CCDC38: variants seen among roughly 807,000 people sequenced by gnomAD.
CCDC38 encodes the protein coiled-coil domain-containing protein 38.
Under a neutral mutation model 72.8 loss-of-function variants are expected in CCDC38, and 69 were observed. That is an observed-to-expected ratio of 0.95 (90% CI 0.78 to 1.16). The LOEUF is 1.16. CCDC38 is among the 50% of genes most tolerant of loss of function. The pLI is 0.00. For synonymous variants in CCDC38, 201 were observed against 213.2 expected (o/e 0.94, Z 0.50); for missense variants, 626 against 638.9 (o/e 0.98, Z 0.22).
At chr12:95,906,366 G>T in intron 5 of CCDC38, 21 bp downstream of exon 5, 1 of 1,557,316 alleles carries the variant, frequency 6.4e-7, no homozygotes, top group African/African-American at 1.4e-5. Context: ...TTGGCTAGGG[G>T]AGAAAAGTTA....
At chr12:95,873,924 G>T (rs1179503099) in intron 13 of CCDC38, among the ~76,000 whole-genome samples, 1 of 152,130 alleles carries the variant, frequency 6.6e-6, no homozygotes, top group Non-Finnish European at 1.5e-5. Flanking sequence ...CCTTCATAAG[G>T]TAACACTTAT....
At chr12:95,886,562 C>T (rs919132945) in intron 10 of CCDC38, among the ~76,000 whole-genome samples, 1 of 152,176 alleles carries the variant, frequency 6.6e-6, no homozygotes, top group Non-Finnish European at 1.5e-5. Flanking sequence ...TTGCAAACCA[C>T]ATATCCCCAA....
chr12:95,885,122 T>G (rs2079744517), intron 10 of CCDC38: 1 of 152,462 alleles, frequency 6.6e-6, no homozygotes, highest in South Asian at 2.0e-4. Context: ...GACTAATAGC[T>G]ACAGGCCATT....
At chr12:95,903,415 C>T (rs1337177465) in intron 5 of CCDC38, 1 of 699,260 alleles carries the variant, frequency 1.4e-6, no homozygotes, top group African/African-American at 1.7e-5. Context: ...CTAGGACCTC[C>T]AGAACACTGA....
intron 10 of CCDC38, among the ~76,000 whole-genome samples, chr12:95,884,326 ATTG>A (rs1478101513): frequency 6.6e-6 from 1 of 152,246 alleles, no homozygotes; most frequent in Admixed American, 6.5e-5. Flanking sequence ...ACCATTTACA[ATTG>A]TTCAAAAAGA....
chr12:95,924,522 G>A (rs1321053681), intron 2 of CCDC38, among the ~76,000 whole-genome samples: 1 of 147,068 alleles, frequency 6.8e-6, no homozygotes, highest in South Asian at 2.2e-4. Context: ...TTCTTTTGCT[G>A]TGCAGAAGCT....
At chr12:95,874,755 T>A (rs2079618021) in intron 13 of CCDC38, among the ~76,000 whole-genome samples, 1 of 152,172 alleles carries the variant, frequency 6.6e-6, no homozygotes. Context: ...CAGGTGCCTT[T>A]CAACAGTGAA....
intron 2 of CCDC38, among the ~76,000 whole-genome samples, chr12:95,920,651 A>C (rs1472990401): frequency 5.3e-5 from 8 of 152,056 alleles, no homozygotes; most frequent in Non-Finnish European, 1.2e-4. Flanking sequence ...CAGAATAGGC[A>C]TATTCATGGA....
chr12:95,916,379 G>T (rs961311323), intron 4 of CCDC38, among the ~76,000 whole-genome samples: 16 of 147,454 alleles, frequency 1.1e-4, no homozygotes, highest in South Asian at 2.2e-4. Flanking sequence ...TTGCCTGCCT[G>T]CCTTCCTTCC....
At chr12:95,895,201 T>C in intron 7 of CCDC38, 55 bp from the exon 8 acceptor site, 1 of 1,335,064 alleles carries the variant, frequency 7.5e-7, no homozygotes. Context: ...AGCACATTCA[T>C]TAGAAAAAAA....
chr12:95,908,474 A>C (rs1406528222), intron 4 of CCDC38, among the ~76,000 whole-genome samples: 1 of 300 alleles, frequency 3.3e-3, no homozygotes, highest in African/African-American at 0.12. Flanking sequence ...AGGGAGAGGG[A>C]GAGGGAGAGG....
intron 2 of CCDC38, among the ~76,000 whole-genome samples, chr12:95,929,171 C>T (rs1158656995): frequency 6.6e-6 from 1 of 152,222 alleles, no homozygotes; most frequent in Admixed American, 6.5e-5. Context: ...TCTCAGACTG[C>T]CGTGCTAGCA....
chr12:95,924,079 A>C (rs376878860), intron 2 of CCDC38, among the ~76,000 whole-genome samples: 1 of 90,458 alleles, frequency 1.1e-5, no homozygotes, highest in South Asian at 4.6e-4. Context: ...GGCTGGGTCA[A>C]ATGGTATTTC....
intron 4 of CCDC38, among the ~76,000 whole-genome samples, chr12:95,916,459 G>A (rs2080146407): frequency 6.7e-6 from 1 of 148,410 alleles, no homozygotes; most frequent in Non-Finnish European, 1.5e-5. Context: ...TTAACAATTT[G>A]GAAAACATTC....
At chr12:95,908,345 G>C (rs1045002538) in intron 4 of CCDC38, among the ~76,000 whole-genome samples, 1 of 149,140 alleles carries the variant, frequency 6.7e-6, no homozygotes, top group African/African-American at 2.5e-5. Context: ...GCCTGCAATC[G>C]CAGGCACTCG....
chr12:95,921,139 A>G (rs913671397), intron 2 of CCDC38, among the ~76,000 whole-genome samples: 1 of 150,762 alleles, frequency 6.6e-6, no homozygotes, highest in African/African-American at 2.5e-5. Flanking sequence ...AAAAAAAAAA[A>G]AGAAAAAGAA....
intron 2 of CCDC38, among the ~76,000 whole-genome samples, chr12:95,920,035 G>A (rs2080187657): frequency 1.3e-5 from 2 of 152,160 alleles, no homozygotes; most frequent in South Asian, 4.1e-4. Context: ...ACGTGTACAT[G>A]AATATTTAGA....
At chr12:95,936,166 A>G (rs2080391668) in intron 2 of CCDC38, among the ~76,000 whole-genome samples, 2 of 152,118 alleles carry the variant, frequency 1.3e-5, no homozygotes, top group Non-Finnish European at 2.9e-5. Flanking sequence ...GAAAGGAAAG[A>G]AGAGGGCAGA....
intron 1 of CCDC38, among the ~76,000 whole-genome samples, chr12:95,938,845 G>A (rs1255913480): frequency 6.6e-6 from 1 of 152,178 alleles, no homozygotes; most frequent in African/African-American, 2.4e-5. Context: ...CAAAAGAGAG[G>A]GAAAATGTTA....
Sources: allele counts gnomAD v4.1 joint callset (sites outside exome capture counted in the v4.1 genomes callset), GRCh38; gene constraint gnomAD v4.1.1; transcripts MANE v1.5; gene names NCBI Gene and HGNC (gene_info 2026-07-23, HGNC 2026-07-21).